Variants in BOC observed in about 807,000 individuals in gnomAD.
The protein encoded by BOC is brother of CDO.
Under a neutral mutation model 112.0 loss-of-function variants are expected in BOC, and 76 were observed. The ratio of observed to expected loss-of-function variants is 0.68; its 90% CI spans 0.56 to 0.82. The LOEUF (loss-of-function observed/expected upper bound fraction) is 0.82. BOC is among the 40% of genes least tolerant of loss of function. The probability of loss-of-function intolerance (pLI) is 0.00; values close to 1 mark genes in which losing one functional copy is unlikely to be tolerated. For missense variants in BOC, 1,309 were observed against 1,511.7 expected (o/e 0.87, Z 2.22); for synonymous variants, 580 against 599.8 (o/e 0.97, Z 0.48).
chr3:113,228,542 GC>G (rs1342365110), intron 2 of BOC, among the ~76,000 whole-genome samples: 1 of 152,196 alleles, frequency 6.6e-6, no homozygotes, highest in Non-Finnish European at 1.5e-5. Context: ...GCCATAAGCA[GC>G]CTGCAAGCTG....
At chr3:113,261,486 G>A (rs999366) in intron 4 of BOC, among the ~76,000 whole-genome samples, 66,272 of 151,860 alleles carry the variant, frequency 0.44, 16,738 homozygotes, top group African/African-American at 0.68. Context: ...ACCTCAGAGC[G>A]GCCCTGAAGT....
intron 3 of BOC, among the ~76,000 whole-genome samples, chr3:113,250,114 G>A (rs1945426543): frequency 6.6e-6 from 1 of 152,200 alleles, no homozygotes; most frequent in African/African-American, 2.4e-5. Context: ...AGCTATACCG[G>A]AGGAGGAGGA....
chr3:113,249,569 T>A (rs1945353427), intron 2 of BOC, among the ~76,000 whole-genome samples, 153 bp from the exon 3 acceptor site: 1 of 152,200 alleles, frequency 6.6e-6, no homozygotes, highest in Non-Finnish European at 1.5e-5. Context: ...AATGGCACTA[T>A]AGTGTTCTTT....
chr3:113,259,706 A>G (rs1946606910), intron 4 of BOC, among the ~76,000 whole-genome samples: 1 of 152,202 alleles, frequency 6.6e-6, no homozygotes. Flanking sequence ...TTCACATCCA[A>G]ATTAAAGGAT....
rs535087145 is a variant in BOC at position 113,271,842 on chromosome 3, A to G, written c.668-568A>G. On this transcript the variant is annotated intron_variant, in intron 6 of 19. Transcript: ENST00000682979. Reference sequence around the variant, plus strand: ...GTTGAAAAAAGATTACAGCTTTCCCAGCTGTGCACCTGAGGAAGTACATAG... The same window carrying G: ...GTTGAAAAAAGATTACAGCTTTCCCGGCTGTGCACCTGAGGAAGTACATAG... The G allele has an allele frequency of 3.0e-5, 5 of 164,242 alleles. No homozygotes were observed. The South Asian group carries it at 8.1e-4, about 27-fold the overall frequency. The allele number at this position is 164,242 out of a possible 1,614,324, so 10.2% of individuals were successfully genotyped here. A position where few individuals can be genotyped will look rare whatever the true frequency, so the allele number is the denominator to read the frequency against.
intron 2 of BOC, 132 bp from the exon 3 acceptor site, chr3:113,249,590 C>T (rs1461372231): frequency 4.1e-6 from 2 of 482,606 alleles, no homozygotes; most frequent in African/African-American, 4.1e-5. Flanking sequence ...GGTCTTCCAG[C>T]AGCATGACCG....
intron 2 of BOC, among the ~76,000 whole-genome samples, chr3:113,225,289 A>C (rs555986199): frequency 1.3e-5 from 2 of 152,188 alleles, no homozygotes; most frequent in Admixed American, 6.5e-5. Context: ...AAAACAACAA[A>C]AAAAAACCCC....
At chr3:113,241,825 A>G (rs916950096) in intron 2 of BOC, among the ~76,000 whole-genome samples, 5 of 151,526 alleles carry the variant, frequency 3.3e-5, no homozygotes, top group Non-Finnish European at 7.4e-5. Flanking sequence ...CCCCCTCCCC[A>G]CCTCCCCCTA....
chr3:113,279,267 G>A lies in BOC; in HGVS notation c.1835G>A (p.Arg612Lys). ...GRLSPPEAPD[R>K]PTISTASETS... ...TTCCCAGCCCCAGAAGCTCCCGACAGGCCCACCATCTCCACGGCCTCCGAG... is the reference window on the plus strand; with the variant it reads ...TTCCCAGCCCCAGAAGCTCCCGACAAGCCCACCATCTCCACGGCCTCCGAG... The change falls in exon 12 of 20, where the codon AGG becomes AAG. Residue 612 changes from arginine (R) to lysine (K), a missense_variant. By Grantham distance (26) the Arg-to-Lys change is conservative (BLOSUM62 2). Coordinates refer to ENST00000682979, the MANE Select transcript of BOC (RefSeq NM_001378074.1). The A allele has an allele frequency of 6.2e-7, 1 of 1,613,762 alleles. No individual in the cohort carries two copies.
In BOC at chr3:113,213,857, C is replaced by T. The variant is rs561966295; in HGVS notation, c.-170+1841C>T. 3.3e-5 allele frequency among the ~76,000 whole-genome samples: 5 copies of T among 152,288 alleles called. No homozygotes were observed. The East Asian group carries it at 7.7e-4, about 24-fold the overall frequency. ...AAAATGAAAGAAAGAAGAGTTGCCT[C>T]ATTGGGCCACTTTGCTGACACTGTC... On this transcript the variant is annotated intron_variant, in intron 1 of 19. Coordinates refer to ENST00000682979, the MANE Select transcript of BOC (RefSeq NM_001378074.1).
chr3:113,275,592 T>A (rs969345676), intron 9 of BOC, among the ~76,000 whole-genome samples: 7 of 152,222 alleles, frequency 4.6e-5, no homozygotes, highest in African/African-American at 1.7e-4. Flanking sequence ...TCTTAAATGG[T>A]TTTTTAAAAA....
chr3:113,286,700 G>T lies in BOC; in HGVS notation c.3186G>T (p.Val1062=). 1 of 1,601,238 alleles carries T rather than the reference G, an allele frequency of 6.2e-7. No individual in the cohort carries two copies. Among genetic ancestry groups the T allele is most frequent in the Non-Finnish European group, 8.5e-7 (1 of 1,174,694 alleles). ...HSGPPCCLGL[V]PVEEVDSPDS... ...GGCCCCCATGCTGCTTGGGCCTTGT[G>T]CCAGTTGAAGAGGTGGACAGTCCTG... The change falls in exon 20 of 20, where the codon GTG becomes GTT. Residue 1062 remains valine (V), a synonymous_variant. Coordinates refer to ENST00000682979, the MANE Select transcript of BOC (RefSeq NM_001378074.1).
chr3:113,272,121 T>G, intron 6 of BOC: 1 of 493,420 alleles, frequency 2.0e-6, no homozygotes, highest in South Asian at 2.9e-5. Flanking sequence ...CTCACCTTTC[T>G]CTCTTTGCCA....
intron 2 of BOC, among the ~76,000 whole-genome samples, chr3:113,236,260 G>GGGTATA (rs1559821251): frequency 2.8e-5 from 1 of 35,818 alleles, no homozygotes; most frequent in African/African-American, 6.9e-5. Flanking sequence ...GTGTGTGTGT[G>GGGTATA]TGTGTGTATA....
At chr3:113,263,886 GT>G in intron 4 of BOC, among the ~76,000 whole-genome samples, 1 of 152,224 alleles carries the variant, frequency 6.6e-6, no homozygotes, top group Non-Finnish European at 1.5e-5. Flanking sequence ...TTTGCTTTCT[GT>G]TTTTCCCATA....
rs755066597 is a variant in BOC, at chr3:113,279,842, G to A, written c.2042G>A (p.Arg681Gln). The stretch of plus-strand genomic sequence containing the variant: ...TCACCAGGCACCTCCTACAAGTTTC[G>A]AGTCCGGGCTCTGAACATGCTGGGG... The part of the protein sequence containing the change: ...GLEKGTSYKF[R>Q]VRALNMLGES... Residue 681 changes from arginine (R) to glutamine (Q), a missense_variant, in exon 13 of 20, where the codon CGA becomes CAA. Arg to Gln is a conservative substitution (Grantham distance 43). Transcript: ENST00000682979. 3.1e-6 allele frequency: 5 copies of A among 1,607,772 alleles called. No individual in the cohort carries two copies. Among genetic ancestry groups the A allele is most frequent in the Non-Finnish European group, 4.2e-6 (5 of 1,176,806 alleles).
In BOC at chr3:113,249,764, G is replaced by A. The variant is rs541651377; in HGVS notation, c.-39G>A. The A allele has an allele frequency of 4.4e-5, 69 of 1,553,948 alleles. No homozygotes were observed. In the East Asian group the frequency reaches 4.5e-4, roughly 10 times the overall value. On this transcript the variant is annotated 5_prime_UTR_variant, in exon 3 of 20. Coordinates refer to ENST00000682979, the MANE Select transcript of BOC (RefSeq NM_001378074.1). ...CAGTATCTCTTTGTGTGACCCTGGC[G>A]GCTTATGGGACGTTGGCTTCAGACC... is the stretch of plus-strand genomic sequence containing the variant.
chr3:113,284,479 G>A lies in BOC; in HGVS notation c.2801G>A (p.Gly934Glu). The stretch of plus-strand genomic sequence containing the variant: ...ATCAGTGGACGGGCCTGTGCTAATG[G>A]GATCCACATGAATAGGGGCTGCCCC... ...SGISGRACANGIHMNRGCPSA... is the reference protein window; with the variant it reads ...SGISGRACANEIHMNRGCPSA... Residue 934 changes from glycine (G) to glutamate (E), a missense_variant, in exon 17 of 20, where the codon GGG becomes GAG. By Grantham distance (98) the Gly-to-Glu change is moderately conservative. Coordinates refer to ENST00000682979, the MANE Select transcript of BOC (RefSeq NM_001378074.1). 1 of 1,614,242 alleles carries A rather than the reference G, an allele frequency of 6.2e-7. No individual in the cohort carries two copies. Among genetic ancestry groups the A allele is most frequent in the Admixed American group, 1.7e-5 (1 of 60,034 alleles).
chr3:113,258,327 C>T (rs1008461286), intron 4 of BOC, among the ~76,000 whole-genome samples: 1 of 152,118 alleles, frequency 6.6e-6, no homozygotes, highest in African/African-American at 2.4e-5. Flanking sequence ...TGAGCTCAAT[C>T]GAATTCTTAA....
Sources: gnomAD v4.1 joint callset for allele counts (sites outside exome capture counted in the v4.1 genomes callset) on GRCh38, gnomAD v4.1.1 for gene constraint, MANE v1.5 for transcripts, NCBI Gene and HGNC (gene_info 2026-07-23, HGNC 2026-07-21) for gene names.